F13A1: variants seen among roughly 807,000 people sequenced by gnomAD.
The protein encoded by F13A1 is coagulation factor XIII A chain.
Under a neutral mutation model 80.1 loss-of-function variants are expected in F13A1, and 47 were observed. The observed-to-expected ratio is 0.59, with a 90% confidence interval of 0.46 to 0.75. The LOEUF (loss-of-function observed/expected upper bound fraction) is 0.75. Among genes scored for constraint, F13A1 ranks in the 30% least tolerant of loss-of-function variants. The probability of loss-of-function intolerance (pLI) is 0.00; values close to 1 mark genes in which losing one functional copy is unlikely to be tolerated. For synonymous variants in F13A1, 349 were observed against 344.9 expected (o/e 1.01, Z -0.13); for missense variants, 817 against 930.4 (o/e 0.88, Z 1.59).
At chr6:6,237,987 C>G (rs1367090534) in intron 6 of F13A1, among the ~76,000 whole-genome samples, 1 of 151,940 alleles carries the variant, frequency 6.6e-6, no homozygotes, top group Non-Finnish European at 1.5e-5. Context: ...CATAGCAATA[C>G]AAAGGATCTA....
intron 8 of F13A1, among the ~76,000 whole-genome samples, chr6:6,213,203 G>A (rs977719962): frequency 8.6e-5 from 13 of 151,904 alleles, no homozygotes; most frequent in African/African-American, 1.7e-4. Context: ...TCCTCGAGAC[G>A]AGCAACTCCA....
intron 3 of F13A1, 119 bp downstream of exon 3, chr6:6,305,232 T>C: frequency 1.8e-6 from 2 of 1,140,416 alleles, no homozygotes; most frequent in Non-Finnish European, 2.6e-6. Context: ...CTGGATGTCA[T>C]TCCAGCTCCT....
intron 4 of F13A1, among the ~76,000 whole-genome samples, chr6:6,258,289 C>T (rs549203711): frequency 9.7e-4 from 148 of 152,244 alleles, no homozygotes; most frequent in African/African-American, 3.5e-3. Context: ...GTCTAATAAT[C>T]GTCTCCTTGC....
At chr6:6,293,801 G>A (rs1049345781) in intron 3 of F13A1, among the ~76,000 whole-genome samples, 8 of 110,016 alleles carry the variant, frequency 7.3e-5, no homozygotes, top group Middle Eastern at 4.2e-3. Context: ...GAGGGAGGGA[G>A]GGAGGGAGGG....
chr6:6,217,259 C>G (rs1757106512), intron 8 of F13A1, among the ~76,000 whole-genome samples: 1 of 151,968 alleles, frequency 6.6e-6, no homozygotes, highest in South Asian at 2.1e-4. Context: ...TTCACAATAG[C>G]AAAGACTTGG....
rs1250975348 is a variant in F13A1, at chr6:6,167,627, A to C, written c.1748-9T>G. On this transcript the variant is annotated splice_polypyrimidine_tract_variant and intron_variant, in intron 12 of 14. Coordinates refer to ENST00000264870, the MANE Select transcript of F13A1 (RefSeq NM_000129.4). ...CACCGCCTCTTTCTTGACTAGTAGG[A>C]GAAAACACACACAGGCCTGGCATCA... 6.2e-7 allele frequency: 1 copy of C among 1,612,926 alleles called. No individual in the cohort carries two copies. Among genetic ancestry groups the C allele is most frequent in the Non-Finnish European group, 8.5e-7 (1 of 1,179,954 alleles).
Position 6,266,772 on chromosome 6 carries a change from T to G in F13A1, c.357A>C (p.Pro119=). The G allele has an allele frequency of 6.2e-7, 1 of 1,614,196 alleles. No homozygotes were observed. The highest frequency in any genetic ancestry group is 2.2e-5 in the East Asian group (1 of 44,888). ...TTTGTAACTCTGAGACTATAGGCAC[T>G]GGGATGTAGGTTCCCTTGTTCTCCT... ...YPQENKGTYI[P]VPIVSELQSG... Residue 119 remains proline, a synonymous_variant, in exon 4 of 15, where the codon CCA becomes CCC. Transcript: ENST00000264870.
At chr6:6,186,038 T>G (rs1761075043) in intron 10 of F13A1, among the ~76,000 whole-genome samples, 1 of 151,600 alleles carries the variant, frequency 6.6e-6, no homozygotes, top group East Asian at 1.9e-4. Flanking sequence ...AAGTGTCTGT[T>G]CATGTCCTTC....
intron 11 of F13A1, among the ~76,000 whole-genome samples, chr6:6,175,742 G>A (rs11969912): frequency 0.34 from 52,019 of 152,116 alleles, 8,964 homozygotes; most frequent in South Asian, 0.38. Flanking sequence ...GTTGACAGGC[G>A]GTGGTGCACC....
chr6:6,146,174 C>T (rs369713358), intron 14 of F13A1, among the ~76,000 whole-genome samples: 1 of 152,194 alleles, frequency 6.6e-6, no homozygotes, highest in Non-Finnish European at 1.5e-5. Context: ...CCTGGAATTA[C>T]AGTCCTATAT....
At chr6:6,267,684 T>C (rs1189456357) in intron 3 of F13A1, among the ~76,000 whole-genome samples, 2 of 152,184 alleles carry the variant, frequency 1.3e-5, no homozygotes, top group Admixed American at 1.3e-4. Flanking sequence ...TTTAAAAAGA[T>C]GCAAGTTTAG....
At chr6:6,179,375 T>C (rs1388424647) in intron 11 of F13A1, among the ~76,000 whole-genome samples, 1 of 152,258 alleles carries the variant, frequency 6.6e-6, no homozygotes, top group African/African-American at 2.4e-5. Flanking sequence ...TTCATTAAAA[T>C]AGTTAAGTCC....
chr6:6,237,219 G>C (rs996228985), intron 6 of F13A1, among the ~76,000 whole-genome samples: 5 of 152,170 alleles, frequency 3.3e-5, no homozygotes, highest in African/African-American at 7.2e-5. Flanking sequence ...TTTTGTGCCT[G>C]CTCCGCCATT....
chr6:6,182,541 T>A (rs1480006913), intron 10 of F13A1, among the ~76,000 whole-genome samples: 1 of 152,198 alleles, frequency 6.6e-6, no homozygotes, highest in African/African-American at 2.4e-5. Context: ...GGAAGTCTGC[T>A]AGGTGGCTTC....
At chr6:6,188,136 T>G (rs1424631150) in intron 10 of F13A1, among the ~76,000 whole-genome samples, 1 of 152,148 alleles carries the variant, frequency 6.6e-6, no homozygotes, top group Non-Finnish European at 1.5e-5. Context: ...TGGTCTTGCT[T>G]GCGGTCTATC....
At chr6:6,269,475 G>A (rs1217628058) in intron 3 of F13A1, among the ~76,000 whole-genome samples, 1 of 151,582 alleles carries the variant, frequency 6.6e-6, no homozygotes, top group Admixed American at 6.6e-5. Flanking sequence ...TTTTCCATCA[G>A]GAGAACTTGT....
intron 6 of F13A1, among the ~76,000 whole-genome samples, chr6:6,226,634 G>T (rs1457278032): frequency 6.6e-6 from 1 of 152,010 alleles, no homozygotes; most frequent in Non-Finnish European, 1.5e-5. Flanking sequence ...TGTCTTCCCC[G>T]CTGGTTTATC....
chr6:6,174,221 C>G (rs1760832185), intron 12 of F13A1, among the ~76,000 whole-genome samples: 1 of 152,026 alleles, frequency 6.6e-6, no homozygotes, highest in African/African-American at 2.4e-5. Flanking sequence ...GAAATCCCGT[C>G]TCTACTAAAA....
At chr6:6,191,831 A>G (rs888747629) in intron 10 of F13A1, among the ~76,000 whole-genome samples, 7 of 152,242 alleles carry the variant, frequency 4.6e-5, no homozygotes, top group African/African-American at 1.4e-4. Flanking sequence ...GCTCTCAGCA[A>G]TGCGGTTACA....
Sources: gnomAD v4.1 joint callset for allele counts (sites outside exome capture counted in the v4.1 genomes callset) on GRCh38, gnomAD v4.1.1 for gene constraint, MANE v1.5 for transcripts, NCBI Gene and HGNC (gene_info 2026-07-23, HGNC 2026-07-21) for gene names.